PAFAH1B2: variants seen among roughly 807,000 people sequenced by gnomAD.
PAFAH1B2 encodes platelet activating factor acetylhydrolase 1b catalytic subunit 2.
Under a neutral mutation model 28.0 loss-of-function variants are expected in PAFAH1B2, and 8 were observed. The observed-to-expected ratio is 0.29, with a 90% CI of 0.17 to 0.52. PAFAH1B2 has a LOEUF of 0.52. PAFAH1B2 is among the 20% of genes least tolerant of loss of function. The probability of loss-of-function intolerance (pLI) is 0.97; values close to 1 mark genes in which losing one functional copy is unlikely to be tolerated. For missense variants in PAFAH1B2, 190 were observed against 282.6 expected (o/e 0.67, Z 2.35); for synonymous variants, 104 against 103.2 (o/e 1.01, Z -0.05).
rs776143877 is a variant in PAFAH1B2 at position 117,161,099 on chromosome 11, T to C, written c.172-46T>C. The C allele has an allele frequency of 3.3e-6, 4 of 1,226,430 alleles. No individual in the cohort carries two copies. In the Middle Eastern group the frequency reaches 6.9e-4, roughly 212 times the overall value. The allele number at this position is 1,226,430 out of a possible 1,614,324, so 76.0% of individuals were successfully genotyped here. The stretch of plus-strand genomic sequence containing the variant: ...ACACATTGCAGTCGAAAGATTAAAC[T>C]TTCCCCTAGTTTTAGGTACACTAAA... On this transcript the variant is annotated intron_variant, in intron 3 of 5. Coordinates refer to ENST00000527958, the MANE Select transcript of PAFAH1B2 (RefSeq NM_002572.4).
chr11:117,177,618 T>C (rs947612911), downstream of PAFAH1B2, among the ~76,000 whole-genome samples: 5 of 152,246 alleles, frequency 3.3e-5, no homozygotes, highest in African/African-American at 1.2e-4. Flanking sequence ...CACTGCAACC[T>C]CCGCCTGGTA....
chr11:117,147,825 A>G (rs1367281574), intron 1 of PAFAH1B2, among the ~76,000 whole-genome samples: 1 of 152,196 alleles, frequency 6.6e-6, no homozygotes, highest in Non-Finnish European at 1.5e-5. Flanking sequence ...GTAATTAGGA[A>G]TATTTTGTGA....
At chr11:117,151,872 A>G (rs574680108) in intron 1 of PAFAH1B2, among the ~76,000 whole-genome samples, 1 of 151,788 alleles carries the variant, frequency 6.6e-6, no homozygotes, top group South Asian at 2.1e-4. Context: ...TCACCCGGCT[A>G]ATTTTTTTGT....
downstream of PAFAH1B2, among the ~76,000 whole-genome samples, chr11:117,172,345 G>T (rs1956666568): frequency 9.4e-6 from 1 of 106,150 alleles, no homozygotes; most frequent in Non-Finnish European, 1.9e-5. Flanking sequence ...GTTCATTCTA[G>T]CTTTATATAT....
chr11:117,177,186 G>T (rs1013210485), downstream of PAFAH1B2, among the ~76,000 whole-genome samples: 4 of 152,124 alleles, frequency 2.6e-5, no homozygotes, highest in African/African-American at 9.7e-5. Flanking sequence ...TCCAACCTGG[G>T]CAACAGAGCG....
chr11:117,157,935 C>A (rs972201652), intron 2 of PAFAH1B2, among the ~76,000 whole-genome samples: 1 of 151,884 alleles, frequency 6.6e-6, no homozygotes, highest in Admixed American at 6.6e-5. Flanking sequence ...GTCAGGAGTT[C>A]GAGACCAGCC....
chr11:117,164,407 A>AAG (rs386375014), intron 5 of PAFAH1B2, among the ~76,000 whole-genome samples: 2 of 10,744 alleles, frequency 1.9e-4, no homozygotes, highest in Non-Finnish European at 8.7e-4. Flanking sequence ...ACTCCGTCTC[A>AAG]AAAAAAAAAA....
downstream of PAFAH1B2, chr11:117,175,823 C>A: frequency 1.5e-6 from 2 of 1,330,582 alleles, no homozygotes; most frequent in Non-Finnish European, 2.1e-6. Flanking sequence ...TCCAGCTACT[C>A]GAGAGGCTGT....
At chr11:117,158,792 C>T (rs565972405) in intron 2 of PAFAH1B2, among the ~76,000 whole-genome samples, 94 of 151,230 alleles carry the variant, frequency 6.2e-4, no homozygotes, top group African/African-American at 2.2e-3. Context: ...CTACAGGCAC[C>T]CGCCACCACA....
chr11:117,171,405 TCA>T (rs1436357428), downstream of PAFAH1B2, among the ~76,000 whole-genome samples: 1 of 152,088 alleles, frequency 6.6e-6, no homozygotes, highest in African/African-American at 2.4e-5. Context: ...TTGGCCGGGC[TCA>T]CGCCTGTAAT....
At chr11:117,172,351 T>C (rs1956667359), downstream of PAFAH1B2, among the ~76,000 whole-genome samples, 1 of 2,626 alleles carries the variant, frequency 3.8e-4, no homozygotes, top group Admixed American at 4.2e-3. Context: ...TCTAGCTTTA[T>C]ATATATATAT....
At chr11:117,151,379 GC>G (rs1330500161) in intron 1 of PAFAH1B2, among the ~76,000 whole-genome samples, 5 of 151,744 alleles carry the variant, frequency 3.3e-5, no homozygotes, top group Non-Finnish European at 7.4e-5. Flanking sequence ...ACAGGTGCAT[GC>G]CACCATGCCC....
At chr11:117,159,908 AT>A (rs35139041) in intron 2 of PAFAH1B2, 25 bp from the exon 3 acceptor site, 1,000,358 of 1,412,114 alleles carry the variant, frequency 0.71, 345,964 homozygotes, top group Non-Finnish European at 0.75. Flanking sequence ...CCAGTTAATA[AT>A]TTTTTTTTTT....
downstream of PAFAH1B2, among the ~76,000 whole-genome samples, chr11:117,177,767 C>T (rs1295685346): frequency 6.6e-6 from 1 of 152,248 alleles, no homozygotes; most frequent in Non-Finnish European, 1.5e-5. Flanking sequence ...AACTCCTGAC[C>T]TCAAGTGATC....
chr11:117,159,882 C>A, intron 2 of PAFAH1B2, 52 bp from the exon 3 acceptor site: 2 of 1,338,582 alleles, frequency 1.5e-6, no homozygotes, highest in Non-Finnish European at 2.1e-6. Flanking sequence ...TGGGCCACCA[C>A]ACCCAGCCAG....
At position 117,170,269 on chromosome 11, in the gene PAFAH1B2, G is replaced by A; in HGVS notation, c.*2570G>A. The A allele has an allele frequency of 9.4e-7, 1 of 1,061,846 alleles. No individual in the cohort carries two copies. Among genetic ancestry groups the A allele is most frequent in the Non-Finnish European group, 1.1e-6 (1 of 877,598 alleles). 65.8% of individuals were successfully genotyped at this position (1,061,846 alleles called of 1,614,324 possible). On this transcript the variant is annotated 3_prime_UTR_variant, in exon 6 of 6. Transcript: ENST00000527958. ...TCCTAGTTGTCATTGTGATTAAGGG[G>A]CCAACTTTCCAGGCAGCTAGCAGAG...
At chr11:117,159,571 A>G (rs1233703125) in intron 2 of PAFAH1B2, 2 of 180,028 alleles carry the variant, frequency 1.1e-5, no homozygotes, top group Non-Finnish European at 2.3e-5. Context: ...CGTCTCTACA[A>G]AAAAATAGAA....
downstream of PAFAH1B2, among the ~76,000 whole-genome samples, chr11:117,172,384 ATATATATATATATATATATAT>A (rs1956682854): frequency 1.0e-3 from 2 of 1,962 alleles, no homozygotes; most frequent in East Asian, 0.016. Context: ...ATATATATAT[ATATATATATATATATATATAT>A]TTTTTTTTTT....
intron 2 of PAFAH1B2, among the ~76,000 whole-genome samples, chr11:117,156,177 A>G (rs1956251127): frequency 6.6e-6 from 1 of 152,152 alleles, no homozygotes; most frequent in African/African-American, 2.4e-5. Context: ...ACGGAGCAAG[A>G]CCCTGTCTCT....
Sources: allele counts gnomAD v4.1 joint callset (sites outside exome capture counted in the v4.1 genomes callset), GRCh38; gene constraint gnomAD v4.1.1; transcripts MANE v1.5; gene names NCBI Gene and HGNC (gene_info 2026-07-23, HGNC 2026-07-21).